Variants in CCL5 observed in about 807,000 individuals in gnomAD.
CCL5 encodes C-C motif chemokine 5.
A neutral mutation model predicts 9.0 loss-of-function variants in CCL5; 5 were observed. That is an observed-to-expected ratio of 0.55 (90% confidence interval 0.29 to 1.16). CCL5 has a LOEUF of 1.16. Ranked by LOEUF, CCL5 falls within the 50% of genes most tolerant of loss-of-function variation. The probability of loss-of-function intolerance (pLI) is 0.08; values close to 1 mark genes in which losing one functional copy is unlikely to be tolerated. For missense variants in CCL5, 183 were observed against 183.2 expected, an observed-to-expected ratio of 1.00 and a Z score of 0.01; for synonymous variants, 66 against 72.0, an observed-to-expected ratio of 0.92 and a Z score of 0.42.
intron 3 of CCL5, chr17:35,875,468 G>T: frequency 2.4e-6 from 1 of 417,144 alleles, no homozygotes; most frequent in Non-Finnish European, 3.2e-6. Flanking sequence ...GGTGTGCAGA[G>T]ATGAAAAGGG....
chr17:35,876,302 A>G (rs2088440341), intron 2 of CCL5, among the ~76,000 whole-genome samples: 1 of 152,168 alleles, frequency 6.6e-6, no homozygotes, highest in African/African-American at 2.4e-5. Context: ...AAAGAATGTC[A>G]TATTTTCAGC....
intron 3 of CCL5, among the ~76,000 whole-genome samples, chr17:35,874,066 T>C (rs998757519): frequency 3.9e-5 from 6 of 152,214 alleles, no homozygotes; most frequent in Admixed American, 2.6e-4. Flanking sequence ...GTGCGAGACC[T>C]TGGGCCTTGC....
At position 35,872,254 on chromosome 17, in the gene CCL5, G is replaced by A; in HGVS notation, c.*16C>T. 6.6e-7 allele frequency: 1 copy of A among 1,509,904 alleles called. No individual in the cohort carries two copies. The allele number at this position is 1,509,904 out of a possible 1,614,324, so 93.5% of individuals were successfully genotyped here. A position where few individuals can be genotyped will look rare whatever the true frequency, so the allele number is the denominator to read the frequency against. On this transcript the variant is annotated 3_prime_UTR_variant, in exon 4 of 4. Coordinates refer to ENST00000651122, the MANE Select transcript of CCL5 (RefSeq NM_001278736.2). ...AGGTTTTTGTAACTGCTGCTGTGTG[G>A]TAGAATCTGGGCCCTTCAAGGAGCG...
At chr17:35,873,197 T>G (rs1201436658) in intron 3 of CCL5, among the ~76,000 whole-genome samples, 1 of 148,820 alleles carries the variant, frequency 6.7e-6, no homozygotes, top group Non-Finnish European at 1.5e-5. Flanking sequence ...GCCTCTTTTT[T>G]TTTTTCCTTT....
chr17:35,877,937 C>T (rs1008792551), intron 2 of CCL5, among the ~76,000 whole-genome samples: 1 of 152,060 alleles, frequency 6.6e-6, no homozygotes, highest in African/African-American at 2.4e-5. Flanking sequence ...ACTTGATCTT[C>T]CCCACATAGG....
rs1462457544 is a variant in CCL5 at position 35,878,615 on chromosome 17, C to T, written c.101G>A (p.Cys34Tyr). 4 of 1,613,354 alleles carry T rather than the reference C, an allele frequency of 2.5e-6. No homozygotes were observed. Among genetic ancestry groups the T allele is most frequent in the African/African-American group, 2.7e-5 (2 of 74,886 alleles). ...CAGTGGGCGGGCAATGTAGGCAAAGCAGCAGGGTGTGGTGTCCGAGGAATC... is the reference window on the plus strand; with the variant it reads ...CAGTGGGCGGGCAATGTAGGCAAAGTAGCAGGGTGTGGTGTCCGAGGAATC... The change falls in exon 2 of 4, where the codon TGC (cysteine) becomes TAC (tyrosine). Residue 34 changes from cysteine to tyrosine, a missense_variant. Transcript: ENST00000651122.
intron 2 of CCL5, among the ~76,000 whole-genome samples, chr17:35,875,881 TAA>T (rs1047717581): frequency 3.9e-5 from 6 of 152,222 alleles, no homozygotes; most frequent in African/African-American, 9.6e-5. Context: ...CGTTTTTTCC[TAA>T]GTCTCTGGCC....
intron 1 of CCL5, among the ~76,000 whole-genome samples, chr17:35,879,171 C>G (rs1407205851): frequency 6.6e-6 from 1 of 152,122 alleles, no homozygotes; most frequent in African/African-American, 2.4e-5. Flanking sequence ...TTGCCACTTC[C>G]CAGCAGAGGA....
intron 1 of CCL5, among the ~76,000 whole-genome samples, chr17:35,879,594 C>G (rs28914797): frequency 6.8e-6 from 1 of 147,260 alleles, no homozygotes; most frequent in Non-Finnish European, 1.5e-5. Context: ...GAGATCGTGC[C>G]GCTGCACTCC....
chr17:35,876,890 A>G (rs2088447868), intron 2 of CCL5, among the ~76,000 whole-genome samples: 1 of 152,104 alleles, frequency 6.6e-6, no homozygotes, highest in East Asian at 1.9e-4. Flanking sequence ...GCAAACCTGT[A>G]AATCCCTGAA....
chr17:35,878,945 A>G (rs185429057), intron 1 of CCL5, among the ~76,000 whole-genome samples: 1 of 152,194 alleles, frequency 6.6e-6, no homozygotes, highest in East Asian at 1.9e-4. Context: ...CCCTTCCAGC[A>G]TCCTCAATGG....
intron 2 of CCL5, among the ~76,000 whole-genome samples, chr17:35,878,311 AG>A (rs1307146736): frequency 2.3e-4 from 33 of 143,340 alleles, no homozygotes; most frequent in Non-Finnish European, 4.0e-4. Context: ...AAAAAAAAAA[AG>A]ATTGGAGTCC....
intron 1 of CCL5, 59 bp downstream of exon 1, chr17:35,880,171 G>T: frequency 7.3e-7 from 1 of 1,364,388 alleles, no homozygotes; most frequent in Non-Finnish European, 1.0e-6. Flanking sequence ...TTGGGATGGG[G>T]TAGGCATTCT....
chr17:35,875,612 T>C lies in CCL5; in HGVS notation c.219A>G (p.Gly73=). The C allele has an allele frequency of 1.0e-5, 10 of 985,410 alleles. No individual in the cohort carries two copies. The highest frequency in any genetic ancestry group is 1.2e-5 in the Non-Finnish European group (10 of 829,924). 61.0% of individuals were successfully genotyped at this position (985,410 alleles called of 1,614,324 possible). A position where few individuals can be genotyped will look rare whatever the true frequency, so the allele number is the denominator to read the frequency against. ...ACAGGAAATCCTGCCAGACTTGCTGTCCCTCTCTCTTTGGCATCCTTGACC... is the reference window on the plus strand; with the variant it reads ...ACAGGAAATCCTGCCAGACTTGCTGCCCCTCTCTCTTTGGCATCCTTGACC... The change falls in exon 3 of 4, where the codon GGA becomes GGG. Residue 73 remains glycine, a synonymous_variant. Coordinates refer to ENST00000651122, the MANE Select transcript of CCL5 (RefSeq NM_001278736.2).
At chr17:35,879,971 A>C (rs2088494666) in intron 1 of CCL5, among the ~76,000 whole-genome samples, 1 of 152,190 alleles carries the variant, frequency 6.6e-6, no homozygotes, top group Non-Finnish European at 1.5e-5. Flanking sequence ...CTCAGTGAAC[A>C]CCTGTAGGCC....
At chr17:35,874,084 G>A (rs1030474353) in intron 3 of CCL5, among the ~76,000 whole-genome samples, 3 of 152,138 alleles carry the variant, frequency 2.0e-5, no homozygotes, top group South Asian at 2.1e-4. Flanking sequence ...TGCTAGCAGC[G>A]CTGCCAATTA....
chr17:35,878,434 G>T, intron 2 of CCL5, 94 bp downstream of exon 2: 1 of 801,192 alleles, frequency 1.2e-6, no homozygotes, highest in Non-Finnish European at 2.2e-6. Context: ...GTGGCTGCTT[G>T]CAGCTGGAGG....
At chr17:35,880,121 C>A in intron 1 of CCL5, 109 bp downstream of exon 1, 1 of 809,790 alleles carries the variant, frequency 1.2e-6, no homozygotes, top group South Asian at 1.4e-5. Context: ...AGACAGTATT[C>A]ATGCTACAGT....
rs1305948670 is a variant in CCL5, at chr17:35,875,456, C to T, written c.270+105G>A. The T allele has an allele frequency of 2.1e-5, 7 of 329,264 alleles. No individual in the cohort carries two copies. The South Asian group carries it at 7.2e-4, about 34-fold the overall frequency. 20.4% of individuals were successfully genotyped at this position (329,264 alleles called of 1,614,324 possible). ...CTTGACCATCTCTTTTTCTCCCACC[C>T]CGGTGTGCAGAGATGAAAAGGGAAC... is the stretch of plus-strand genomic sequence containing the variant. On this transcript the variant is annotated intron_variant, in intron 3 of 3. Transcript: ENST00000651122.
Sources: allele counts gnomAD v4.1 joint callset (sites outside exome capture counted in the v4.1 genomes callset), GRCh38; gene constraint gnomAD v4.1.1; transcripts MANE v1.5; gene names NCBI Gene and HGNC (gene_info 2026-07-23, HGNC 2026-07-21).